The following ARHGAP15 variants were observed in gnomAD, a reference collection of about 807,000 sequenced individuals.
ARHGAP15 encodes the protein Rho GTPase activating protein 15.
A neutral mutation model predicts 63.7 loss-of-function variants in ARHGAP15; 51 were observed. That is an observed-to-expected ratio of 0.80 (90% confidence interval 0.64 to 1.01). The LOEUF is 1.01. ARHGAP15 is among the 50% of genes least tolerant of loss of function. The pLI is 0.00. For missense variants in ARHGAP15, 560 were observed against 564.6 expected, an observed-to-expected ratio of 0.99 and a Z score of 0.08; for synonymous variants, 191 against 193.8, an observed-to-expected ratio of 0.99 and a Z score of 0.12.
At chr2:143,586,934 T>C (rs1697132210) in intron 11 of ARHGAP15, among the ~76,000 whole-genome samples, 1 of 151,984 alleles carries the variant, frequency 6.6e-6, no homozygotes, top group South Asian at 2.1e-4. Flanking sequence ...CCTCCATCCC[T>C]CTCCCTTTCC....
intron 13 of ARHGAP15, among the ~76,000 whole-genome samples, chr2:143,716,854 G>T (rs528626617): frequency 2.0e-5 from 3 of 152,288 alleles, no homozygotes; most frequent in Non-Finnish European, 4.4e-5. Flanking sequence ...TTGAACACCA[G>T]ATATAATCCC....
At chr2:143,685,999 T>C (rs969891666) in intron 12 of ARHGAP15, among the ~76,000 whole-genome samples, 1 of 152,320 alleles carries the variant, frequency 6.6e-6, no homozygotes, top group East Asian at 1.9e-4. Flanking sequence ...TCCAGTATTA[T>C]TATTTTTTAT....
At chr2:143,412,166 A>C (rs1220480703) in intron 6 of ARHGAP15, among the ~76,000 whole-genome samples, 1 of 152,148 alleles carries the variant, frequency 6.6e-6, no homozygotes, top group Non-Finnish European at 1.5e-5. Flanking sequence ...AATTGAGTGT[A>C]AAGGGTTAGG....
chr2:143,705,342 T>C (rs1270148894), intron 13 of ARHGAP15, among the ~76,000 whole-genome samples: 3 of 152,162 alleles, frequency 2.0e-5, no homozygotes, highest in Admixed American at 6.5e-5. Context: ...TGTGGTTTAG[T>C]GAAAGGATCT....
chr2:143,585,490 A>G (rs1322942011), intron 11 of ARHGAP15, among the ~76,000 whole-genome samples: 1 of 152,074 alleles, frequency 6.6e-6, no homozygotes, highest in Non-Finnish European at 1.5e-5. Flanking sequence ...ATTGATAGAG[A>G]TGAATAGTCA....
intron 13 of ARHGAP15, among the ~76,000 whole-genome samples, chr2:143,737,039 T>TTAATTTAATTATG (rs1559153209): frequency 2.0e-5 from 3 of 152,232 alleles, no homozygotes; most frequent in Admixed American, 2.0e-4. Flanking sequence ...AATTACATAA[T>TTAATTTAATTATG]TACAATAATA....
At chr2:143,143,602 A>T (rs185635166) in intron 1 of ARHGAP15, among the ~76,000 whole-genome samples, 1 of 144,496 alleles carries the variant, frequency 6.9e-6, no homozygotes, top group Non-Finnish European at 1.5e-5. Flanking sequence ...CAATTACTTG[A>T]ACCACCTCAG....
intron 6 of ARHGAP15, among the ~76,000 whole-genome samples, chr2:143,257,586 A>G (rs1334239279): frequency 2.0e-5 from 3 of 152,142 alleles, no homozygotes; most frequent in Non-Finnish European, 4.4e-5. Flanking sequence ...TTCTTCATTT[A>G]CCGACATCAT....
At chr2:143,679,462 C>T (rs994307790) in intron 12 of ARHGAP15, among the ~76,000 whole-genome samples, 2 of 152,092 alleles carry the variant, frequency 1.3e-5, no homozygotes, top group Non-Finnish European at 2.9e-5. Context: ...TTTTATAAAA[C>T]AAGACATTTG....
intron 13 of ARHGAP15, among the ~76,000 whole-genome samples, chr2:143,763,446 T>A: frequency 6.6e-6 from 1 of 152,200 alleles, no homozygotes. Flanking sequence ...AATATGAGAA[T>A]GTATTAGTCA....
chr2:143,490,882 C>T (rs968637625), intron 9 of ARHGAP15, among the ~76,000 whole-genome samples: 1 of 152,128 alleles, frequency 6.6e-6, no homozygotes, highest in African/African-American at 2.4e-5. Context: ...CCTGCCTTGG[C>T]CTCCCAAAGC....
chr2:143,462,358 A>G (rs528452114), intron 8 of ARHGAP15, among the ~76,000 whole-genome samples: 4 of 152,122 alleles, frequency 2.6e-5, no homozygotes, highest in East Asian at 1.9e-4. Flanking sequence ...ACTATTGGGG[A>G]AAAAAAATAA....
chr2:143,338,117 G>A (rs938318681), intron 6 of ARHGAP15, among the ~76,000 whole-genome samples: 1 of 152,112 alleles, frequency 6.6e-6, no homozygotes, highest in Non-Finnish European at 1.5e-5. Flanking sequence ...CTTCCATGAA[G>A]TAGGAGTGCT....
At chr2:143,202,624 G>A (rs1692165420) in intron 3 of ARHGAP15, among the ~76,000 whole-genome samples, 1 of 152,064 alleles carries the variant, frequency 6.6e-6, no homozygotes, top group Non-Finnish European at 1.5e-5. Context: ...AATTGTAAAA[G>A]CAATACGCCA....
At chr2:143,191,495 A>C (rs772952961) in intron 2 of ARHGAP15, among the ~76,000 whole-genome samples, 1 of 152,254 alleles carries the variant, frequency 6.6e-6, no homozygotes, top group Admixed American at 6.5e-5. Context: ...GTTATACACT[A>C]TGCTAAGTAT....
intron 10 of ARHGAP15, among the ~76,000 whole-genome samples, chr2:143,547,485 G>A (rs1382950721): frequency 6.6e-6 from 1 of 151,766 alleles, no homozygotes; most frequent in Non-Finnish European, 1.5e-5. Flanking sequence ...CACAGCAAAT[G>A]GAAACCAGGA....
intron 12 of ARHGAP15, among the ~76,000 whole-genome samples, chr2:143,680,672 A>G (rs776127240): frequency 2.0e-4 from 31 of 152,248 alleles, no homozygotes; most frequent in Non-Finnish European, 4.0e-4. Flanking sequence ...AGGTGGTTTC[A>G]CCAGAGAGAC....
At position 143,328,970 on chromosome 2, in the gene ARHGAP15, G is replaced by T. The variant is rs75004053; in HGVS notation, c.474+78370G>T. ...TCCCATAAATATACACACCTACTGTGGTACCCACAAAAATTAAGTTTTTTA... is the reference window on the plus strand; with the variant it reads ...TCCCATAAATATACACACCTACTGTTGTACCCACAAAAATTAAGTTTTTTA... On this transcript the variant is annotated intron_variant, in intron 6 of 13. Transcript: ENST00000295095. Among the ~76,000 whole-genome samples the T allele has an allele frequency of 3.7e-3, 568 of 152,216 alleles. 6 individuals carry two copies. Among genetic ancestry groups the T allele is most frequent in the African/African-American group, 0.013 (523 of 41,506 alleles).
At chr2:143,403,528 G>A (rs967404878) in intron 6 of ARHGAP15, among the ~76,000 whole-genome samples, 1 of 151,518 alleles carries the variant, frequency 6.6e-6, no homozygotes, top group African/African-American at 2.4e-5. Context: ...GTATTACTAG[G>A]GATCAAATTA....
Sources: gnomAD v4.1 joint callset for allele counts (sites outside exome capture counted in the v4.1 genomes callset) on GRCh38, gnomAD v4.1.1 for gene constraint, MANE v1.5 for transcripts, NCBI Gene and HGNC (gene_info 2026-07-23, HGNC 2026-07-21) for gene names.